Variants in CNTN4 observed in about 807,000 individuals in gnomAD.
CNTN4 encodes contactin 4.
A neutral mutation model predicts 122.5 loss-of-function variants in CNTN4; 77 were observed. The ratio of observed to expected loss-of-function variants is 0.63; its 90% CI spans 0.52 to 0.76. CNTN4 has a LOEUF of 0.76. CNTN4 is among the 30% of genes least tolerant of loss of function. The pLI is 0.00. For synonymous variants in CNTN4, 512 were observed against 447.0 expected (o/e 1.15, Z -1.83); for missense variants, 1,256 against 1,259.1 (o/e 1.00, Z 0.04).
At chr3:2,304,003 G>C (rs1389427271) in intron 2 of CNTN4, among the ~76,000 whole-genome samples, 1 of 152,130 alleles carries the variant, frequency 6.6e-6, no homozygotes, top group Admixed American at 6.5e-5. Flanking sequence ...CTTTGGTTGA[G>C]TGTTATTTAG....
chr3:2,677,510 C>T (rs2084936859), intron 4 of CNTN4, among the ~76,000 whole-genome samples: 1 of 137,740 alleles, frequency 7.3e-6, no homozygotes, highest in Non-Finnish European at 1.6e-5. Context: ...ATCTATCTAT[C>T]TATCTATCTA....
intron 4 of CNTN4, among the ~76,000 whole-genome samples, chr3:2,577,761 CAT>C (rs1022843992): frequency 1.3e-5 from 2 of 152,152 alleles, no homozygotes; most frequent in African/African-American, 4.8e-5. Context: ...ATGGCTGCTC[CAT>C]ATGTTTACGT....
chr3:2,147,738 C>A (rs918920160), intron 2 of CNTN4, among the ~76,000 whole-genome samples: 1 of 152,170 alleles, frequency 6.6e-6, no homozygotes, highest in Non-Finnish European at 1.5e-5. Flanking sequence ...CAATTCTAGT[C>A]TACCTTTGGA....
At chr3:2,217,923 T>A (rs538361974) in intron 2 of CNTN4, among the ~76,000 whole-genome samples, 1 of 152,120 alleles carries the variant, frequency 6.6e-6, no homozygotes, top group Non-Finnish European at 1.5e-5. Flanking sequence ...CAAACGTAGA[T>A]CTACCACTTA....
intron 2 of CNTN4, among the ~76,000 whole-genome samples, chr3:2,158,847 TTTG>T (rs1225916799): frequency 6.6e-6 from 1 of 152,170 alleles, no homozygotes; most frequent in Non-Finnish European, 1.5e-5. Context: ...TTTTGTTTGT[TTTG>T]TTTTTGGAAG....
chr3:2,946,424 C>T (rs549357241), intron 13 of CNTN4, among the ~76,000 whole-genome samples: 14 of 152,088 alleles, frequency 9.2e-5, no homozygotes, highest in Admixed American at 1.3e-4. Flanking sequence ...TAACTATTGA[C>T]GTGTATATGC....
At chr3:2,865,984 T>A (rs1366979223) in intron 7 of CNTN4, among the ~76,000 whole-genome samples, 1 of 152,148 alleles carries the variant, frequency 6.6e-6, no homozygotes, top group Non-Finnish European at 1.5e-5. Context: ...TGGATCTAAT[T>A]TTTTTTAATA....
intron 2 of CNTN4, among the ~76,000 whole-genome samples, chr3:2,162,337 T>A (rs1357210648): frequency 6.6e-6 from 1 of 152,236 alleles, no homozygotes; most frequent in Admixed American, 6.5e-5. Context: ...TGCATGCATG[T>A]TTTAAAAAGA....
rs75215094 is a variant in CNTN4, at chr3:2,952,841, T to C, written c.1358+27062T>C. ...AACTATGGGAATTACCAAGCAGCTG[T>C]ATTTTGGGCATCTTCACCAACATGG... On this transcript the variant is annotated intron_variant, in intron 13 of 24. Coordinates refer to ENST00000418658, the MANE Select transcript of CNTN4 (RefSeq NM_175607.3). Among the ~76,000 whole-genome samples, 78 of 152,336 alleles carry C rather than the reference T, an allele frequency of 5.1e-4. No homozygotes were observed. The East Asian group carries it at 0.014, about 27-fold the overall frequency.
At chr3:2,225,564 T>C (rs1196258777) in intron 2 of CNTN4, among the ~76,000 whole-genome samples, 1 of 152,078 alleles carries the variant, frequency 6.6e-6, no homozygotes, top group African/African-American at 2.4e-5. Flanking sequence ...ACCCAGGTCC[T>C]TTCCCTTCAT....
intron 3 of CNTN4, among the ~76,000 whole-genome samples, chr3:2,368,766 C>A (rs2045516325): frequency 6.6e-6 from 1 of 152,088 alleles, no homozygotes; most frequent in South Asian, 2.1e-4. Flanking sequence ...GACTACAAAG[C>A]AAGAAAATAA....
At chr3:2,609,868 C>G (rs2081410371) in intron 4 of CNTN4, among the ~76,000 whole-genome samples, 1 of 152,074 alleles carries the variant, frequency 6.6e-6, no homozygotes, top group Non-Finnish European at 1.5e-5. Context: ...TTATATGTAG[C>G]ACTTGGTTTC....
chr3:2,474,385 GA>G (rs2075779721), intron 3 of CNTN4, among the ~76,000 whole-genome samples: 1 of 152,044 alleles, frequency 6.6e-6, no homozygotes. Flanking sequence ...TGTTTATTCA[GA>G]ATAAACAGGC....
At chr3:2,375,932 A>AT (rs1039702878) in intron 3 of CNTN4, among the ~76,000 whole-genome samples, 1 of 152,090 alleles carries the variant, frequency 6.6e-6, no homozygotes, top group African/African-American at 2.4e-5. Flanking sequence ...GAAAAAAAAA[A>AT]AGAGAAAACC....
At chr3:2,553,769 A>T (rs1421926800) in intron 3 of CNTN4, among the ~76,000 whole-genome samples, 1 of 152,196 alleles carries the variant, frequency 6.6e-6, no homozygotes. Context: ...ATATATCATG[A>T]AAAGTTACTA....
Position 2,814,704 on chromosome 3 carries a change from C to T in CNTN4, c.359-4782C>T, listed in dbSNP as rs79082758. ...GACTTTACGAAATCAGTGAAGATGC[C>T]ACAGATTATGGTGCTTCAGAGCAGT... On this transcript the variant is annotated intron_variant, in intron 6 of 24. Transcript: ENST00000418658. Among the ~76,000 whole-genome samples, 888 of 152,210 alleles carry T rather than the reference C, an allele frequency of 5.8e-3. 8 individuals carry two copies. Among genetic ancestry groups the T allele is most frequent in the African/African-American group, 0.02 (831 of 41,534 alleles).
At chr3:2,696,758 G>C (rs773135630) in intron 4 of CNTN4, among the ~76,000 whole-genome samples, 12 of 152,118 alleles carry the variant, frequency 7.9e-5, no homozygotes, top group Non-Finnish European at 8.8e-5. Flanking sequence ...TTGCTTCTCT[G>C]ACCTGAATAA....
chr3:2,617,006 G>A (rs919544918), intron 4 of CNTN4, among the ~76,000 whole-genome samples: 1 of 152,178 alleles, frequency 6.6e-6, no homozygotes, highest in African/African-American at 2.4e-5. Flanking sequence ...GGGATTAAAG[G>A]CTTAAGTGTA....
chr3:2,456,947 G>C (rs1234569157), intron 3 of CNTN4, among the ~76,000 whole-genome samples: 2 of 152,068 alleles, frequency 1.3e-5, no homozygotes, highest in Admixed American at 6.6e-5. Flanking sequence ...GAACTCTTTA[G>C]ATTCTCAGAA....
Sources: gnomAD v4.1 joint callset for allele counts (sites outside exome capture counted in the v4.1 genomes callset) on GRCh38, gnomAD v4.1.1 for gene constraint, MANE v1.5 for transcripts, NCBI Gene and HGNC (gene_info 2026-07-23, HGNC 2026-07-21) for gene names.